TFG: variants seen among roughly 807,000 people sequenced by gnomAD.
TFG encodes the protein protein TFG.
Under a neutral mutation model 51.4 loss-of-function variants are expected in TFG, and 22 were observed. That is an observed-to-expected ratio of 0.43 (90% confidence interval 0.31 to 0.61). The LOEUF is 0.61. Among genes scored for constraint, TFG ranks in the 20% least tolerant of loss-of-function variants. The probability of loss-of-function intolerance (pLI) is 0.12; values close to 1 mark genes in which losing one functional copy is unlikely to be tolerated. For synonymous variants in TFG, 187 were observed against 165.6 expected, an observed-to-expected ratio of 1.13 and a Z score of -0.99; for missense variants, 419 against 487.7, an observed-to-expected ratio of 0.86 and a Z score of 1.33.
At chr3:100,726,181 C>A (rs527312655) in intron 3 of TFG, among the ~76,000 whole-genome samples, 3 of 152,108 alleles carry the variant, frequency 2.0e-5, no homozygotes, top group Non-Finnish European at 4.4e-5. Flanking sequence ...GCCCTGGAGT[C>A]CAAAGGCCAA....
At chr3:100,730,554 A>G (rs1211786133) in intron 4 of TFG, among the ~76,000 whole-genome samples, 1 of 152,168 alleles carries the variant, frequency 6.6e-6, no homozygotes, top group Non-Finnish European at 1.5e-5. Flanking sequence ...ATTTTTTTAG[A>G]AAACAAAAAC....
chr3:100,727,413 A>C (rs1368937623), intron 3 of TFG, among the ~76,000 whole-genome samples: 2 of 151,740 alleles, frequency 1.3e-5, no homozygotes, highest in Admixed American at 6.6e-5. Flanking sequence ...TTTGATTTTG[A>C]AACATGTTTA....
chr3:100,716,568 G>A (rs766315965), intron 2 of TFG, among the ~76,000 whole-genome samples: 17 of 152,108 alleles, frequency 1.1e-4, no homozygotes, highest in Non-Finnish European at 2.2e-4. Flanking sequence ...TAGTGGCATC[G>A]CTGAATTGTG....
intron 3 of TFG, among the ~76,000 whole-genome samples, chr3:100,721,442 C>CA (rs1474386992): frequency 6.6e-6 from 1 of 151,948 alleles, no homozygotes; most frequent in Non-Finnish European, 1.5e-5. Flanking sequence ...GCCATGCTTT[C>CA]AAAAAGAATA....
chr3:100,730,561 AAAC>A (rs1283830001), intron 4 of TFG, among the ~76,000 whole-genome samples: 1 of 152,182 alleles, frequency 6.6e-6, no homozygotes, highest in Admixed American at 6.5e-5. Flanking sequence ...TAGAAAACAA[AAAC>A]AACAAGAAAA....
At chr3:100,711,478 A>G (rs1008677313) in intron 1 of TFG, among the ~76,000 whole-genome samples, 1 of 152,186 alleles carries the variant, frequency 6.6e-6, no homozygotes, top group African/African-American at 2.4e-5. Flanking sequence ...TTATCTTCAA[A>G]GCTGGAATTT....
chr3:100,721,431 G>C (rs866273855), intron 3 of TFG, among the ~76,000 whole-genome samples: 24 of 152,092 alleles, frequency 1.6e-4, no homozygotes, highest in African/African-American at 5.6e-4. Context: ...TCCCTCAGTA[G>C]GCCATGCTTT....
chr3:100,713,907 TAAAAAAAA>T (rs374210483), intron 2 of TFG, 38 bp downstream of exon 2: 4 of 899,096 alleles, frequency 4.4e-6, no homozygotes, highest in Non-Finnish European at 6.1e-6. Flanking sequence ...AAAGTCTTTT[TAAAAAAAA>T]AAAAAAAAAG....
In TFG at chr3:100,748,077, A is replaced by T; in HGVS notation, c.821-72A>T. On this transcript the variant is annotated intron_variant, in intron 7 of 7. Coordinates refer to ENST00000240851, the MANE Select transcript of TFG (RefSeq NM_006070.6). Reference sequence around the variant, plus strand: ...TCTCACCATTTTTGGTCCACCTAACAGTAAGACTAATTCTTTGGAAAAGTA... The same window carrying T: ...TCTCACCATTTTTGGTCCACCTAACTGTAAGACTAATTCTTTGGAAAAGTA... 3.4e-6 allele frequency: 5 copies of T among 1,491,344 alleles called. No homozygotes were observed. In the East Asian group the frequency reaches 6.8e-5, roughly 20 times the overall value. 92.4% of individuals were successfully genotyped at this position (1,491,344 alleles called of 1,614,324 possible). A position where few individuals can be genotyped will look rare whatever the true frequency, so the allele number is the denominator to read the frequency against.
chr3:100,709,835 T>G (rs1576349447), intron 1 of TFG, 114 bp downstream of exon 1: 1 of 126,790 alleles, frequency 7.9e-6, no homozygotes. Context: ...GGAGGCACTG[T>G]GGGAAGGGGC....
intron 2 of TFG, among the ~76,000 whole-genome samples, chr3:100,715,710 T>A (rs1198848619): frequency 6.6e-6 from 1 of 152,066 alleles, no homozygotes; most frequent in Non-Finnish European, 1.5e-5. Context: ...AATGTGTGTC[T>A]TAATTTGATC....
chr3:100,718,902 AG>A (rs1229864880), intron 2 of TFG, among the ~76,000 whole-genome samples: 2 of 152,188 alleles, frequency 1.3e-5, no homozygotes, highest in African/African-American at 4.8e-5. Context: ...AGATTCTGTT[AG>A]TAGAGTGGAG....
At chr3:100,731,279 T>C (rs7645118) in intron 4 of TFG, among the ~76,000 whole-genome samples, 2,112 of 152,300 alleles carry the variant, frequency 0.014, 42 homozygotes, top group African/African-American at 0.049. Flanking sequence ...TTTCTTTTGA[T>C]GTCTTTTGTA....
intron 3 of TFG, among the ~76,000 whole-genome samples, chr3:100,722,673 T>C (rs563115789): frequency 2.0e-5 from 3 of 152,308 alleles, no homozygotes; most frequent in African/African-American, 4.8e-5. Context: ...ATTAGACTGT[T>C]AGTAGACTTC....
intron 6 of TFG, among the ~76,000 whole-genome samples, chr3:100,740,574 G>T (rs1204183040): frequency 3.3e-5 from 5 of 152,148 alleles, no homozygotes; most frequent in Non-Finnish European, 7.4e-5. Flanking sequence ...AGATACTCAT[G>T]TGCTTGTTGC....
intron 5 of TFG, 126 bp downstream of exon 5, chr3:100,732,798 T>C (rs1275054236): frequency 2.2e-5 from 17 of 776,944 alleles, no homozygotes; most frequent in Non-Finnish European, 3.2e-5. Context: ...AGGGTTCTGC[T>C]TAACAAATTT....
In TFG at chr3:100,748,149, C is replaced by T. The variant is rs368994316; in HGVS notation, c.821C>T (p.Ala274Val). 5.6e-6 allele frequency: 9 copies of T among 1,606,518 alleles called. No homozygotes were observed. The highest frequency in any genetic ancestry group is 1.7e-5 in the Admixed American group (1 of 58,216). Residue 274 changes from alanine to valine, a missense_variant and splice_region_variant, in exon 8 of 8, where the codon GCA becomes GTA. By Grantham distance (64) the Ala-to-Val change is moderately conservative. This residue lies in a region of TFG where 391 missense variants were observed against 434.4 expected (regional missense o/e 0.90). Coordinates refer to ENST00000240851, the MANE Select transcript of TFG (RefSeq NM_006070.6). ...QPQQYGIQYS[A>V]SYSQQTGPQQ... is the part of the protein sequence containing the mutation. ...CATGTTATTTATTTTGCCTTTTCAG[C>T]AAGCTATAGTCAGCAGACTGGACCT...
intron 1 of TFG, among the ~76,000 whole-genome samples, chr3:100,712,123 G>A (rs1415997131): frequency 6.6e-6 from 1 of 152,038 alleles, no homozygotes; most frequent in Non-Finnish European, 1.5e-5. Context: ...TTTCATTGAA[G>A]ATTTATTAAT....
chr3:100,715,322 A>G (rs2095042665), intron 2 of TFG, among the ~76,000 whole-genome samples: 1 of 152,240 alleles, frequency 6.6e-6, no homozygotes, highest in Admixed American at 6.5e-5. Context: ...ATGAGTGAAG[A>G]CAGAGTATGA....
Sources: allele counts gnomAD v4.1 joint callset (sites outside exome capture counted in the v4.1 genomes callset), GRCh38; gene constraint gnomAD v4.1.1; regional missense constraint gnomAD v4.1.1; transcripts MANE v1.5; gene names NCBI Gene and HGNC (gene_info 2026-07-23, HGNC 2026-07-21).